The following NOC3L variants were observed in gnomAD, a reference collection of about 807,000 sequenced individuals.
NOC3L encodes NOC3 like DNA replication regulator.
A neutral mutation model predicts 102.5 loss-of-function variants in NOC3L; 85 were observed. That is an observed-to-expected ratio of 0.83 (90% CI 0.70 to 0.99). The LOEUF (loss-of-function observed/expected upper bound fraction) is 0.99, where lower values mean the gene tolerates loss of function less well. Ranked by LOEUF, NOC3L falls within the 50% of genes least tolerant of loss-of-function variation. The probability of loss-of-function intolerance (pLI) is 0.00; values close to 1 mark genes in which losing one functional copy is unlikely to be tolerated. For missense variants in NOC3L, 878 were observed against 914.9 expected (o/e 0.96, Z 0.52); for synonymous variants, 303 against 309.4 (o/e 0.98, Z 0.22).
At chr10:94,325,269 G>GTCC in the NOC3L span, 1 of 615,824 alleles carries the variant, frequency 1.6e-6, no homozygotes, top group African/African-American at 1.8e-5. Context: ...GAAGATATGT[G>GTCC]TAACATGATA....
chr10:94,357,800 G>A (rs1402721624), intron 3 of NOC3L: 5 of 369,846 alleles, frequency 1.4e-5, no homozygotes, highest in Admixed American at 4.5e-5. Flanking sequence ...AATCATAGCC[G>A]TAGGAACTCA....
Position 94,350,263 on chromosome 10 carries a change from T to G in NOC3L, c.978A>C (p.Lys326Asn). ...ATGCCTTTAAGGAAACTACATTACT[T>G]TTCTTCAGCTTCCTCTGCTTCCAAT... The part of the protein sequence containing the change: ...VKDWKQRKLK[K>N]SNVVSLKAYK... The change falls in exon 9 of 21, where the codon AAA becomes AAC. Residue 326 changes from lysine to asparagine, a missense_variant. Coordinates refer to ENST00000371361, the MANE Select transcript of NOC3L (RefSeq NM_022451.11). 6.2e-7 allele frequency: 1 copy of G among 1,614,148 alleles called. No individual in the cohort carries two copies. Among genetic ancestry groups the G allele is most frequent in the Non-Finnish European group, 8.5e-7 (1 of 1,180,008 alleles).
At chr10:94,357,554 C>T (rs1184772936) in intron 3 of NOC3L, 2 of 357,560 alleles carry the variant, frequency 5.6e-6, no homozygotes, top group Non-Finnish European at 9.9e-6. Flanking sequence ...TGGCTACATC[C>T]AGTTTTCCCT....
chr10:94,323,329 T>C, the NOC3L span, among the ~76,000 whole-genome samples: 1 of 152,176 alleles, frequency 6.6e-6, no homozygotes, highest in African/African-American at 2.4e-5. Context: ...GCACAGACCC[T>C]AGATCAAGCT....
In NOC3L at chr10:94,338,602, T is replaced by C. The variant is rs1024645628; in HGVS notation, c.2091+6A>G. On this transcript the variant is annotated splice_donor_region_variant and intron_variant, in intron 18 of 20. Transcript: ENST00000371361. ...CCAAAAAGAAAAAAACCAGGGCCAC[T>C]CTTACCCGCAGAGCATGCAGTTCCC... The C allele has an allele frequency of 8.6e-6, 13 of 1,520,378 alleles. No individual in the cohort carries two copies. The highest frequency in any genetic ancestry group is 1.4e-5 in the African/African-American group (1 of 72,510). 94.2% of individuals were successfully genotyped at this position (1,520,378 alleles called of 1,614,324 possible). A position where few individuals can be genotyped will look rare whatever the true frequency, so the allele number is the denominator to read the frequency against.
chr10:94,359,935 G>T (rs979159258), intron 2 of NOC3L, among the ~76,000 whole-genome samples: 2 of 152,146 alleles, frequency 1.3e-5, no homozygotes, highest in Non-Finnish European at 2.9e-5. Flanking sequence ...ATACCGAACA[G>T]ATATCTGCAC....
chr10:94,324,050 T>G, the NOC3L span, among the ~76,000 whole-genome samples: 11 of 152,222 alleles, frequency 7.2e-5, no homozygotes, highest in Non-Finnish European at 1.2e-4. Flanking sequence ...TTATTGTTAC[T>G]ATTATAGCTG....
chr10:94,340,627 T>C, intron 14 of NOC3L, 131 bp from the exon 15 acceptor site: 1 of 729,882 alleles, frequency 1.4e-6, no homozygotes, highest in Non-Finnish European at 2.2e-6. Flanking sequence ...TTTGGGAGGC[T>C]GAGGCAGGCA....
At chr10:94,315,719 G>A in the NOC3L span, among the ~76,000 whole-genome samples, 3 of 146,884 alleles carry the variant, frequency 2.0e-5, no homozygotes, top group African/African-American at 7.5e-5. Flanking sequence ...GCAGTGAGCC[G>A]AGATCACGCC....
At chr10:94,344,574 G>T in intron 12 of NOC3L, 59 bp from the exon 13 acceptor site, 1 of 1,172,812 alleles carries the variant, frequency 8.5e-7, no homozygotes, top group South Asian at 1.3e-5. Flanking sequence ...TCTCCTGAGT[G>T]AGCATAAGTA....
the NOC3L span, among the ~76,000 whole-genome samples, chr10:94,319,580 G>T: frequency 3.6e-4 from 55 of 152,140 alleles, no homozygotes; most frequent in African/African-American, 1.3e-3. Context: ...TCTGTTACTG[G>T]ATTTGAAATT....
Position 94,349,252 on chromosome 10 carries a change from C to G in NOC3L, c.1255G>C (p.Glu419Gln). ...VKGRNYEVRPEMLKTFLCLRI... is the reference protein window; with the variant it reads ...VKGRNYEVRPQMLKTFLCLRI... Reference sequence around the variant, plus strand: ...AAAGTAAAAAAAAAAAGGCTCACCTCTGGCCTAACTTCGTAATTTCTGCCC... The same window carrying G: ...AAAGTAAAAAAAAAAAGGCTCACCTGTGGCCTAACTTCGTAATTTCTGCCC... Residue 419 changes from glutamate to glutamine, a missense_variant and splice_region_variant, in exon 10 of 21, where the codon GAG becomes CAG. Physicochemically the swap from Glu to Gln is conservative, Grantham distance 29. Coordinates refer to ENST00000371361, the MANE Select transcript of NOC3L (RefSeq NM_022451.11). 6.4e-7 allele frequency: 1 copy of G among 1,565,066 alleles called. No individual in the cohort carries two copies. Among genetic ancestry groups the G allele is most frequent in the Non-Finnish European group, 8.6e-7 (1 of 1,165,200 alleles).
At chr10:94,361,329 T>G (rs992833733) in intron 2 of NOC3L, 1 of 267,318 alleles carries the variant, frequency 3.7e-6, no homozygotes, top group Non-Finnish European at 7.1e-6. Context: ...CTTACCTAAC[T>G]GCTGGTGAAT....
chr10:94,348,482 T>TA (rs998272760), intron 10 of NOC3L, among the ~76,000 whole-genome samples: 7 of 151,916 alleles, frequency 4.6e-5, no homozygotes, highest in African/African-American at 1.7e-4. Flanking sequence ...TCCCAGGACC[T>TA]AAAAAAAGTG....
intron 2 of NOC3L, among the ~76,000 whole-genome samples, chr10:94,358,511 C>T (rs1036630999): frequency 1.3e-5 from 2 of 152,234 alleles, no homozygotes; most frequent in African/African-American, 4.8e-5. Context: ...ATGCCAATAG[C>T]ATTCCCAGGT....
At chr10:94,353,098 G>A (rs748347257) in intron 6 of NOC3L, 41 bp from the exon 7 acceptor site, 36 of 1,518,440 alleles carry the variant, frequency 2.4e-5, no homozygotes, top group South Asian at 9.6e-5. Flanking sequence ...AAATCATGAC[G>A]AAACAATTAT....
chr10:94,340,159 TG>T, intron 16 of NOC3L, 116 bp downstream of exon 16: 1 of 902,732 alleles, frequency 1.1e-6, no homozygotes, highest in Middle Eastern at 3.5e-4. Context: ...TGCATGGCAC[TG>T]GAAAGTCACC....
the NOC3L span, chr10:94,324,798 G>C: frequency 7.7e-7 from 1 of 1,292,840 alleles, no homozygotes; most frequent in South Asian, 1.2e-5. Flanking sequence ...CAAAGCTCTA[G>C]AGAGAAGAGG....
Position 94,352,779 on chromosome 10 carries a change from G to A in NOC3L, c.858+117C>T, listed in dbSNP as rs147051787. ...AGAGGTTGCAGTGAGCCAAGATCAC[G>A]CCACTGCACTCTAGTCTGGGCGACA... On this transcript the variant is annotated intron_variant, in intron 7 of 20. Coordinates refer to ENST00000371361, the MANE Select transcript of NOC3L (RefSeq NM_022451.11). The A allele has an allele frequency of 8.7e-4, 715 of 826,554 alleles. 4 individuals carry two copies. In the African/African-American group the frequency reaches 0.011, roughly 12 times the overall value. 51.2% of individuals were successfully genotyped at this position (826,554 alleles called of 1,614,324 possible). A position where few individuals can be genotyped will look rare whatever the true frequency, so the allele number is the denominator to read the frequency against.
Sources: gnomAD v4.1 joint callset for allele counts (sites outside exome capture counted in the v4.1 genomes callset) on GRCh38, gnomAD v4.1.1 for gene constraint, MANE v1.5 for transcripts, NCBI Gene and HGNC (gene_info 2026-07-23, HGNC 2026-07-21) for gene names.